Variants in CDH12 observed in about 807,000 individuals in gnomAD.
CDH12 encodes cadherin 12.
In CDH12, 41 loss-of-function variants were observed where a neutral mutation model predicts 74.1. That is an observed-to-expected ratio of 0.55 (90% CI 0.43 to 0.72). CDH12 has a LOEUF of 0.72. CDH12 is among the 30% of genes least tolerant of loss of function. The probability of loss-of-function intolerance (pLI) is 0.00; values close to 1 mark genes in which losing one functional copy is unlikely to be tolerated. For synonymous variants in CDH12, 399 were observed against 355.0 expected, an observed-to-expected ratio of 1.12 and a Z score of -1.39; for missense variants, 945 against 977.2, an observed-to-expected ratio of 0.97 and a Z score of 0.44.
chr5:22,785,379 C>T (rs934994284), intron 1 of CDH12, among the ~76,000 whole-genome samples: 6 of 152,056 alleles, frequency 3.9e-5, no homozygotes, highest in Non-Finnish European at 8.8e-5. Context: ...AAATTTAATT[C>T]TGTGAAATCT....
chr5:22,062,002 G>T (rs1022056284), intron 5 of CDH12, among the ~76,000 whole-genome samples: 8 of 152,098 alleles, frequency 5.3e-5, no homozygotes, highest in African/African-American at 1.9e-4. Flanking sequence ...GAAAAGGAAG[G>T]ATTGAAAGAT....
intron 6 of CDH12, among the ~76,000 whole-genome samples, chr5:21,891,864 G>A (rs1479642641): frequency 6.6e-6 from 1 of 151,966 alleles, no homozygotes; most frequent in Non-Finnish European, 1.5e-5. Flanking sequence ...TCAAAAGAAG[G>A]AAGGAAGGAA....
At chr5:22,512,695 T>C (rs1379360864) in intron 1 of CDH12, among the ~76,000 whole-genome samples, 1 of 152,268 alleles carries the variant, frequency 6.6e-6, no homozygotes, top group South Asian at 2.1e-4. Flanking sequence ...GGAGGTGAAG[T>C]CTGTACTAAT....
intron 6 of CDH12, among the ~76,000 whole-genome samples, chr5:21,923,126 T>C (rs187602625): frequency 1.3e-5 from 2 of 152,254 alleles, no homozygotes; most frequent in African/African-American, 4.8e-5. Context: ...TGCAATAAAG[T>C]TTTAACTTCC....
At chr5:21,903,305 A>C (rs1457411898) in intron 6 of CDH12, among the ~76,000 whole-genome samples, 1 of 152,102 alleles carries the variant, frequency 6.6e-6, no homozygotes, top group African/African-American at 2.4e-5. Context: ...TATGAGAAAC[A>C]AGGTTGGTGA....
Position 21,884,177 on chromosome 5 carries a change from A to G in CDH12, c.527-29387T>C, listed in dbSNP as rs1484674573. On this transcript the variant is annotated intron_variant, in intron 6 of 14. Coordinates refer to ENST00000382254, the MANE Select transcript of CDH12 (RefSeq NM_004061.5). ...CAACAAAGCTTGTGAGAACTGCTTT[A>G]TTGGATGCTGCTGGTGTGGCCTCTC... is the stretch of plus-strand genomic sequence containing the variant. The G allele has an allele frequency of 2.1e-5, 33 of 1,585,364 alleles. No individual in the cohort carries two copies. The East Asian group carries it at 7.1e-4, about 34-fold the overall frequency.
intron 1 of CDH12, among the ~76,000 whole-genome samples, chr5:22,724,783 T>G (rs929679519): frequency 3.3e-5 from 5 of 151,902 alleles, no homozygotes; most frequent in African/African-American, 1.2e-4. Flanking sequence ...AATTTCTCTA[T>G]TTTTAGATTG....
At chr5:21,848,492 A>T (rs1358471580) in intron 7 of CDH12, among the ~76,000 whole-genome samples, 2 of 152,032 alleles carry the variant, frequency 1.3e-5, no homozygotes, top group Non-Finnish European at 2.9e-5. Context: ...TTTTATGTGC[A>T]AAGTTACTGA....
At chr5:22,124,762 T>G (rs1261821580) in intron 4 of CDH12, among the ~76,000 whole-genome samples, 1 of 152,236 alleles carries the variant, frequency 6.6e-6, no homozygotes, top group South Asian at 2.1e-4. Flanking sequence ...TTTGAATGTA[T>G]GGAGGCATTT....
rs545444572 is a variant in CDH12, at chr5:21,993,967, A to T, written c.232-18582T>A. Among the ~76,000 whole-genome samples the T allele has an allele frequency of 1.8e-3, 270 of 152,096 alleles. 3 individuals are homozygous for T. The highest frequency in any genetic ancestry group is 6.0e-3 in the African/African-American group (247 of 41,480). On this transcript the variant is annotated intron_variant, in intron 5 of 14. Coordinates refer to ENST00000382254, the MANE Select transcript of CDH12 (RefSeq NM_004061.5). Reference sequence around the variant, plus strand: ...CGGTTATGTGCTATAGTTCTCTGATACATTTTAATTTGTTTGCTTATTTAT... The same window carrying T: ...CGGTTATGTGCTATAGTTCTCTGATTCATTTTAATTTGTTTGCTTATTTAT...
chr5:22,127,097 A>G (rs918911497), intron 4 of CDH12, among the ~76,000 whole-genome samples: 1 of 152,176 alleles, frequency 6.6e-6, no homozygotes, highest in African/African-American at 2.4e-5. Flanking sequence ...TGCCGCAGAA[A>G]TCATTTTAAG....
At chr5:22,396,369 C>A (rs1742460120) in intron 3 of CDH12, among the ~76,000 whole-genome samples, 1 of 152,088 alleles carries the variant, frequency 6.6e-6, no homozygotes, top group Non-Finnish European at 1.5e-5. Flanking sequence ...GCCTGATGCA[C>A]TAGAAGCTAA....
intron 5 of CDH12, among the ~76,000 whole-genome samples, chr5:22,060,778 C>G (rs1338936801): frequency 6.6e-6 from 1 of 151,972 alleles, no homozygotes; most frequent in Non-Finnish European, 1.5e-5. Context: ...AAGACTGTAT[C>G]TTTTTCCAAA....
intron 5 of CDH12, among the ~76,000 whole-genome samples, chr5:22,023,299 C>T (rs1173519757): frequency 6.6e-6 from 1 of 152,050 alleles, no homozygotes; most frequent in Non-Finnish European, 1.5e-5. Flanking sequence ...GCCACCTGGA[C>T]ATTTTTTATT....
At chr5:22,731,003 C>A (rs145380884) in intron 1 of CDH12, among the ~76,000 whole-genome samples, 2 of 151,848 alleles carry the variant, frequency 1.3e-5, no homozygotes, top group East Asian at 3.9e-4. Flanking sequence ...TAAGGACGTG[C>A]TGTCTCCTAA....
chr5:22,511,610 T>C lies in CDH12; in HGVS notation c.-522-6246A>G, dbSNP rs113971979. Among the ~76,000 whole-genome samples the C allele has an allele frequency of 5.4e-3, 830 of 152,324 alleles. 10 individuals are homozygous for C. The highest frequency in any genetic ancestry group is 0.019 in the African/African-American group (788 of 41,584). On this transcript the variant is annotated intron_variant, in intron 1 of 14. Coordinates refer to ENST00000382254, the MANE Select transcript of CDH12 (RefSeq NM_004061.5). ...AATAATTGGCAAGGATGTGGAGTGA[T>C]GGAAGCTCTCAATCATATCGTGGGT...
intron 4 of CDH12, among the ~76,000 whole-genome samples, chr5:22,174,699 G>A (rs1749229801): frequency 6.6e-6 from 1 of 151,926 alleles, no homozygotes; most frequent in African/African-American, 2.4e-5. Context: ...TAAAGACTGA[G>A]TCAAAATACA....
intron 8 of CDH12, among the ~76,000 whole-genome samples, chr5:21,839,826 G>T (rs1214278195): frequency 4.6e-5 from 7 of 152,098 alleles, no homozygotes; most frequent in African/African-American, 1.7e-4. Flanking sequence ...GAAACATGCA[G>T]CTTCTGTATT....
intron 4 of CDH12, among the ~76,000 whole-genome samples, chr5:22,146,968 T>C (rs187561312): frequency 2.0e-5 from 3 of 152,264 alleles, no homozygotes; most frequent in South Asian, 2.1e-4. Context: ...GCTTCAGACA[T>C]ATTGTTTATT....
Sources: gnomAD v4.1 joint callset for allele counts (sites outside exome capture counted in the v4.1 genomes callset) on GRCh38, gnomAD v4.1.1 for gene constraint, MANE v1.5 for transcripts, NCBI Gene and HGNC (gene_info 2026-07-23, HGNC 2026-07-21) for gene names.